The following NDST4 variants were observed in gnomAD, a reference collection of about 807,000 sequenced individuals.
The protein encoded by NDST4 is N-heparan sulfate sulfotransferase 4.
In NDST4, 63 loss-of-function variants were observed where a neutral mutation model predicts 100.8. That is an observed-to-expected ratio of 0.62 (90% CI 0.51 to 0.77). The LOEUF (loss-of-function observed/expected upper bound fraction) is 0.77. Ranked by LOEUF, NDST4 falls within the 30% of genes least tolerant of loss-of-function variation. The probability of loss-of-function intolerance (pLI) is 0.00; values close to 1 mark genes in which losing one functional copy is unlikely to be tolerated. For missense variants in NDST4, 943 were observed against 1,018.4 expected (o/e 0.93, Z 1.01); for synonymous variants, 377 against 361.8 (o/e 1.04, Z -0.48).
intron 6 of NDST4, among the ~76,000 whole-genome samples, chr4:114,881,188 A>G (rs900687318): frequency 1.3e-5 from 2 of 152,062 alleles, no homozygotes; most frequent in Non-Finnish European, 2.9e-5. Context: ...CTTATGAAGA[A>G]GAGTGAAGAC....
chr4:115,023,964 C>T (rs906087722), intron 2 of NDST4, among the ~76,000 whole-genome samples: 9 of 152,178 alleles, frequency 5.9e-5, no homozygotes, highest in East Asian at 3.9e-4. Context: ...AGCCTAGCCA[C>T]GCTCAAGTGG....
chr4:114,978,088 T>C (rs981593679), intron 2 of NDST4, among the ~76,000 whole-genome samples: 1 of 152,006 alleles, frequency 6.6e-6, no homozygotes, highest in Non-Finnish European at 1.5e-5. Context: ...CCTTGGGCTT[T>C]TTAGTTTGCT....
chr4:114,902,690 T>C (rs144519921), intron 6 of NDST4, among the ~76,000 whole-genome samples: 9 of 152,144 alleles, frequency 5.9e-5, no homozygotes, highest in African/African-American at 2.2e-4. Context: ...CTTTTTGATA[T>C]TTTCATTAAC....
chr4:114,945,482 A>G (rs942047885), intron 4 of NDST4, among the ~76,000 whole-genome samples: 2 of 152,196 alleles, frequency 1.3e-5, no homozygotes, highest in Non-Finnish European at 2.9e-5. Flanking sequence ...AGTGCTTGGT[A>G]CATTGTTGGT....
intron 2 of NDST4, among the ~76,000 whole-genome samples, chr4:115,066,517 G>T (rs1728950715): frequency 6.6e-6 from 1 of 152,088 alleles, no homozygotes; most frequent in African/African-American, 2.4e-5. Flanking sequence ...GTTCTCTGAG[G>T]TCACTGCTGA....
intron 8 of NDST4, among the ~76,000 whole-genome samples, chr4:114,849,879 T>C (rs1409437848): frequency 6.6e-6 from 1 of 152,102 alleles, no homozygotes; most frequent in Non-Finnish European, 1.5e-5. Flanking sequence ...ACAGATGTAA[T>C]AGTTATGAGG....
rs192233135 is a variant in NDST4 at position 114,885,117 on chromosome 4, T to C, written c.1537-14167A>G. ...TTTATTATACTAGCAAAATGTTCTA[T>C]AATTTCCAAGCTGTCAAAATCTGAT... On this transcript the variant is annotated intron_variant, in intron 6 of 13. Transcript: ENST00000264363. Among the ~76,000 whole-genome samples, 410 of 152,252 alleles carry C rather than the reference T, an allele frequency of 2.7e-3. 1 individual carries two copies. The highest frequency in any genetic ancestry group is 9.4e-3 in the African/African-American group (389 of 41,576).
intron 2 of NDST4, among the ~76,000 whole-genome samples, chr4:115,033,638 T>A (rs1216695614): frequency 6.6e-6 from 1 of 152,046 alleles, no homozygotes; most frequent in Non-Finnish European, 1.5e-5. Context: ...ACCCATCAGT[T>A]AGGGTTACAA....
chr4:114,860,013 C>G (rs939911929), intron 7 of NDST4, among the ~76,000 whole-genome samples: 2 of 152,146 alleles, frequency 1.3e-5, no homozygotes, highest in African/African-American at 4.8e-5. Flanking sequence ...TCCCTGCTCT[C>G]ATTGGAACAA....
At chr4:114,908,263 T>A (rs1724993164) in intron 6 of NDST4, among the ~76,000 whole-genome samples, 1 of 152,178 alleles carries the variant, frequency 6.6e-6, no homozygotes, top group Non-Finnish European at 1.5e-5. Context: ...ATATTTAAAG[T>A]ACTTTCTAGT....
intron 7 of NDST4, among the ~76,000 whole-genome samples, chr4:114,855,193 C>T (rs1004520074): frequency 3.3e-5 from 5 of 151,988 alleles, no homozygotes; most frequent in African/African-American, 1.2e-4. Flanking sequence ...AATTCATTCT[C>T]AGATGGGTAG....
At chr4:114,848,705 G>A (rs1459433108) in intron 8 of NDST4, among the ~76,000 whole-genome samples, 3 of 152,186 alleles carry the variant, frequency 2.0e-5, no homozygotes, top group African/African-American at 7.2e-5. Context: ...ATTAGGCATG[G>A]TATCTTACCT....
At chr4:114,993,435 T>C (rs1024848256) in intron 2 of NDST4, among the ~76,000 whole-genome samples, 5 of 151,938 alleles carry the variant, frequency 3.3e-5, no homozygotes, top group African/African-American at 1.2e-4. Flanking sequence ...ATAGAGGTAG[T>C]GCTGGGTACC....
chr4:114,931,971 A>G (rs1366062452), intron 6 of NDST4, among the ~76,000 whole-genome samples: 3 of 151,904 alleles, frequency 2.0e-5, no homozygotes. Context: ...TTAAGAGGAG[A>G]GTACACTTCC....
At chr4:115,006,031 C>CAAAAAAAA (rs33988343) in intron 2 of NDST4, among the ~76,000 whole-genome samples, 9 of 99,462 alleles carry the variant, frequency 9.0e-5, no homozygotes, top group South Asian at 3.3e-4. Flanking sequence ...GACTCTATCT[C>CAAAAAAAA]AAAAAAAAAA....
chr4:114,857,504 T>G (rs1723822718), intron 7 of NDST4, among the ~76,000 whole-genome samples: 1 of 152,176 alleles, frequency 6.6e-6, no homozygotes. Context: ...CATCAGCTCA[T>G]TTTTAGTTTT....
chr4:114,939,597 A>G (rs1725704225), intron 4 of NDST4, among the ~76,000 whole-genome samples: 1 of 152,070 alleles, frequency 6.6e-6, no homozygotes, highest in Non-Finnish European at 1.5e-5. Context: ...AGCAAAAAGT[A>G]TTGAAATATC....
At chr4:115,074,551 C>G (rs994996524) in intron 2 of NDST4, among the ~76,000 whole-genome samples, 1 of 152,006 alleles carries the variant, frequency 6.6e-6, no homozygotes, top group Non-Finnish European at 1.5e-5. Context: ...GGATAGAACT[C>G]AATTGCGGTC....
chr4:114,829,379 G>A (rs1305442741), intron 13 of NDST4, among the ~76,000 whole-genome samples: 1 of 151,926 alleles, frequency 6.6e-6, no homozygotes, highest in Non-Finnish European at 1.5e-5. Flanking sequence ...TTTTATCTTT[G>A]TATTCTTTCC....
Sources: gnomAD v4.1 joint callset for allele counts (sites outside exome capture counted in the v4.1 genomes callset) on GRCh38, gnomAD v4.1.1 for gene constraint, MANE v1.5 for transcripts, NCBI Gene and HGNC (gene_info 2026-07-23, HGNC 2026-07-21) for gene names.